HNRNPUL2: variants seen among roughly 807,000 people sequenced by gnomAD.
HNRNPUL2 encodes heterogeneous nuclear ribonucleoprotein U like 2, also known as heterogeneous nuclear ribonucleoprotein U-like protein 2.
HNRNPUL2 carries 27 observed loss-of-function variants against 102.2 expected under a neutral mutation model. That is an observed-to-expected ratio of 0.26 (90% confidence interval 0.19 to 0.36). The LOEUF is 0.36. HNRNPUL2 is among the 10% of genes least tolerant of loss of function. The probability of loss-of-function intolerance (pLI) is 1.00; values close to 1 mark genes in which losing one functional copy is unlikely to be tolerated. For missense variants in HNRNPUL2, 936 were observed against 981.1 expected, an observed-to-expected ratio of 0.95 and a Z score of 0.61; for synonymous variants, 458 against 387.2, an observed-to-expected ratio of 1.18 and a Z score of -2.15.
intron 3 of HNRNPUL2, 84 bp from the exon 4 acceptor site, chr11:62,723,810 G>C: frequency 6.2e-7 from 1 of 1,601,096 alleles, no homozygotes; most frequent in Non-Finnish European, 8.5e-7. Context: ...AGTTGTTGTA[G>C]TGGATACAAA....
At chr11:62,715,786 C>T (rs571276897) in intron 12 of HNRNPUL2, 78 bp downstream of exon 12, 8 of 1,399,890 alleles carry the variant, frequency 5.7e-6, no homozygotes, top group Non-Finnish European at 8.1e-6. Flanking sequence ...AGAAAACAGG[C>T]AAACCACTCT....
intron 8 of HNRNPUL2, 49 bp downstream of exon 8, chr11:62,721,769 TTA>T (rs1491099142): frequency 6.3e-7 from 1 of 1,592,332 alleles, no homozygotes; most frequent in African/African-American, 1.3e-5. Context: ...TAAAGATAGG[TTA>T]TAAGAGTCTC....
In HNRNPUL2 at chr11:62,727,216, C is replaced by A. The variant is rs1391226306; in HGVS notation, c.-60G>T. Reference sequence around the variant, plus strand: ...CTCCCCTGCGAACCGTCGACCGAGTCCGACCGCGCAGGCGCCGCCGCCGCC... The same window carrying A: ...CTCCCCTGCGAACCGTCGACCGAGTACGACCGCGCAGGCGCCGCCGCCGCC... On this transcript the variant is annotated 5_prime_UTR_variant, in exon 1 of 14. Coordinates refer to ENST00000301785, the MANE Select transcript of HNRNPUL2 (RefSeq NM_001079559.3). 7.5e-7 allele frequency: 1 copy of A among 1,325,360 alleles called. No individual in the cohort carries two copies. The highest frequency in any genetic ancestry group is 9.6e-7 in the Non-Finnish European group (1 of 1,040,784). 82.1% of individuals were successfully genotyped at this position (1,325,360 alleles called of 1,614,324 possible).
Position 62,727,359 on chromosome 11 carries a change from C to T in HNRNPUL2, c.-203G>A, listed in dbSNP as rs749889594. 13 of 583,938 alleles carry T rather than the reference C, an allele frequency of 2.2e-5. No individual in the cohort carries two copies. Among genetic ancestry groups the T allele is most frequent in the Non-Finnish European group, 3.2e-5 (13 of 409,982 alleles). 36.2% of individuals were successfully genotyped at this position (583,938 alleles called of 1,614,324 possible). A position where few individuals can be genotyped will look rare whatever the true frequency, so the allele number is the denominator to read the frequency against. ...TTTGCTTCTCCTTCGTCTCCCCTCC[C>T]CCTTTCGGCTCACGGAGCCCAAAAC... is the stretch of plus-strand genomic sequence containing the variant. On this transcript the variant is annotated 5_prime_UTR_variant, in exon 1 of 14. Coordinates refer to ENST00000301785, the MANE Select transcript of HNRNPUL2 (RefSeq NM_001079559.3).
chr11:62,726,993 C>A lies in HNRNPUL2; in HGVS notation c.164G>T (p.Gly55Val), dbSNP rs1696065255. The A allele has an allele frequency of 3.7e-6, 5 of 1,360,530 alleles. No individual in the cohort carries two copies. Among genetic ancestry groups the A allele is most frequent in the Admixed American group, 3.5e-5 (1 of 28,364 alleles). The allele number at this position is 1,360,530 out of a possible 1,614,324, so 84.3% of individuals were successfully genotyped here. Residue 55 changes from glycine to valine, a missense_variant, in exon 1 of 14, where the codon GGG becomes GTG. Gly to Val is a moderately radical substitution (Grantham distance 109). Around this residue, in one of 2 missense-constraint regions of HNRNPUL2, gnomAD observed 327 missense variants for 268.1 expected, o/e 1.22. Coordinates refer to ENST00000301785, the MANE Select transcript of HNRNPUL2 (RefSeq NM_001079559.3). ...EAGGGGAGPG[G>V]ACKAEPRPVA... ...AGGCCGAGGCTCCGCCTTGCAGGCC[C>A]CGCCGGGCCCGGCCCCGCCGCCGCC...
rs764773117 is a variant in HNRNPUL2, at chr11:62,714,054, G to A, written c.*1245C>T. The A allele has an allele frequency of 6.6e-6, 1 of 152,014 alleles. No homozygotes were observed. Among genetic ancestry groups the A allele is most frequent in the East Asian group, 1.9e-4 (1 of 5,190 alleles). The allele number at this position is 152,014 out of a possible 1,614,324, so 9.4% of individuals were successfully genotyped here. ...ATTTTGTTTCTAGAAGTCGGGAAGG[G>A]GTGCTCCCTTTCACACGCACATTTA... On this transcript the variant is annotated 3_prime_UTR_variant, in exon 14 of 14. Coordinates refer to ENST00000301785, the MANE Select transcript of HNRNPUL2 (RefSeq NM_001079559.3).
intron 10 of HNRNPUL2, among the ~76,000 whole-genome samples, chr11:62,717,766 T>C (rs2083671185): frequency 6.6e-6 from 1 of 152,172 alleles, no homozygotes; most frequent in Admixed American, 6.5e-5. Flanking sequence ...TGAGTGCCAC[T>C]GCACTCTGGC....
chr11:62,727,031 G>A lies in HNRNPUL2; in HGVS notation c.126C>T (p.Leu42=), dbSNP rs746946005. Residue 42 remains leucine, a synonymous_variant, in exon 1 of 14, where the codon CTC becomes CTT. Coordinates refer to ENST00000301785, the MANE Select transcript of HNRNPUL2 (RefSeq NM_001079559.3). ...RLQEALDAEM[L]EDEAGGGGAG... ...CCCCGCCGCCGCCGGCCTCGTCCTC[G>A]AGCATCTCGGCGTCCAGCGCCTCCT... The A allele has an allele frequency of 2.1e-6, 3 of 1,402,352 alleles. No individual in the cohort carries two copies. Among genetic ancestry groups the A allele is most frequent in the South Asian group, 1.5e-5 (1 of 67,588 alleles). The allele number at this position is 1,402,352 out of a possible 1,614,324, so 86.9% of individuals were successfully genotyped here. A position where few individuals can be genotyped will look rare whatever the true frequency, so the allele number is the denominator to read the frequency against.
At position 62,716,971 on chromosome 11, in the gene HNRNPUL2, C is replaced by T. The variant is rs2083664894; in HGVS notation, c.1981+18G>A. ...AGAATGGACTGAAGTAGGGGGCTGG[C>T]AGGTCCCCAAGACTCACCATAGCCT... On this transcript the variant is annotated intron_variant, in intron 11 of 13. Coordinates refer to ENST00000301785, the MANE Select transcript of HNRNPUL2 (RefSeq NM_001079559.3). 6.2e-7 allele frequency: 1 copy of T among 1,611,780 alleles called. No homozygotes were observed. Among genetic ancestry groups the T allele is most frequent in the Non-Finnish European group, 8.5e-7 (1 of 1,179,562 alleles).
chr11:62,726,976 G>A lies in HNRNPUL2; in HGVS notation c.181C>T (p.Pro61Ser), dbSNP rs1430303361. 4 of 1,404,024 alleles carry A rather than the reference G, an allele frequency of 2.8e-6. No individual in the cohort carries two copies. The highest frequency in any genetic ancestry group is 1.5e-5 in the South Asian group (1 of 67,352). The allele number at this position is 1,404,024 out of a possible 1,614,324, so 87.0% of individuals were successfully genotyped here. Residue 61 changes from proline (P) to serine (S), a missense_variant, in exon 1 of 14, where the codon CCT becomes TCT. By Grantham distance (74) the Pro-to-Ser change is moderately conservative. This residue lies in a region of HNRNPUL2 where 327 missense variants were observed against 268.1 expected (regional missense o/e 1.22). Coordinates refer to ENST00000301785, the MANE Select transcript of HNRNPUL2 (RefSeq NM_001079559.3). ...AGPGGACKAEPRPVAASGGGP... is the reference protein window; with the variant it reads ...AGPGGACKAESRPVAASGGGP... ...CCGCCCGACGCGGCCACAGGCCGAG[G>A]CTCCGCCTTGCAGGCCCCGCCGGGC... is the stretch of plus-strand genomic sequence containing the variant.
chr11:62,725,452 G>A (rs1202332449), intron 1 of HNRNPUL2, among the ~76,000 whole-genome samples: 1 of 152,194 alleles, frequency 6.6e-6, no homozygotes, highest in South Asian at 2.1e-4. Flanking sequence ...CACCCGCCTG[G>A]CCTCCCAAAG....
intron 10 of HNRNPUL2, among the ~76,000 whole-genome samples, chr11:62,718,737 C>G (rs2512560): frequency 0.72 from 105,280 of 147,200 alleles, 38,363 homozygotes; most frequent in Admixed American, 0.81. Context: ...TGTAGACAAA[C>G]AGTAGATGTA....
In HNRNPUL2 at chr11:62,713,789, T is replaced by C. The variant is rs973797806; in HGVS notation, c.*1510A>G. On this transcript the variant is annotated 3_prime_UTR_variant, in exon 14 of 14. Coordinates refer to ENST00000301785, the MANE Select transcript of HNRNPUL2 (RefSeq NM_001079559.3). ...ATTTTCTCACTAGGAACTGCTGCAG[T>C]ATGTGGTGTCTGCTGAGTAAGCTCT... is the stretch of plus-strand genomic sequence containing the variant. 6.6e-6 allele frequency: 1 copy of C among 152,224 alleles called. No individual in the cohort carries two copies. Among genetic ancestry groups the C allele is most frequent in the Non-Finnish European group, 1.5e-5 (1 of 68,064 alleles). The allele number at this position is 152,224 out of a possible 1,614,324, so 9.4% of individuals were successfully genotyped here.
In HNRNPUL2 at chr11:62,721,952, A is replaced by G; in HGVS notation, c.1360-10T>C. 6.2e-7 allele frequency: 1 copy of G among 1,613,174 alleles called. No individual in the cohort carries two copies. Among genetic ancestry groups the G allele is most frequent in the Non-Finnish European group, 8.5e-7 (1 of 1,179,760 alleles). On this transcript the variant is annotated splice_polypyrimidine_tract_variant and intron_variant, in intron 7 of 13. Coordinates refer to ENST00000301785, the MANE Select transcript of HNRNPUL2 (RefSeq NM_001079559.3). ...CCACCATCAGAATCACCTGCAAAAA[A>G]CAGAACCAGAAATATAATGAAAAAT...
intron 1 of HNRNPUL2, among the ~76,000 whole-genome samples, chr11:62,726,208 T>C (rs1411601511): frequency 6.6e-6 from 1 of 152,218 alleles, no homozygotes. Flanking sequence ...TTAACATTTT[T>C]ACGGCGAAAA....
intron 11 of HNRNPUL2, 37 bp from the exon 12 acceptor site, chr11:62,715,974 C>T (rs2083657279): frequency 1.3e-6 from 2 of 1,521,918 alleles, no homozygotes; most frequent in Non-Finnish European, 8.9e-7. Flanking sequence ...AGACAGCTGG[C>T]ATGGGGTCCT....
Position 62,723,953 on chromosome 11 carries a change from C to A in HNRNPUL2, c.712G>T (p.Asp238Tyr). The A allele has an allele frequency of 1.2e-6, 2 of 1,614,134 alleles. No homozygotes were observed. The highest frequency in any genetic ancestry group is 1.7e-6 in the Non-Finnish European group (2 of 1,179,988). ...SPLPPEEEAK[D>Y]EEEDQTLVNL... Reference sequence around the variant, plus strand: ...ACAAGAGTTTGATCCTCCTCCTCATCTTTTGCCTCTTCTTCAGGAGGCAGT... The same window carrying A: ...ACAAGAGTTTGATCCTCCTCCTCATATTTTGCCTCTTCTTCAGGAGGCAGT... Residue 238 changes from aspartate to tyrosine, a missense_variant, in exon 3 of 14, where the codon GAT becomes TAT. Asp to Tyr is a radical substitution (Grantham distance 160). Transcript: ENST00000301785.
intron 9 of HNRNPUL2, among the ~76,000 whole-genome samples, chr11:62,720,409 A>G (rs2083692404): frequency 6.6e-6 from 1 of 152,016 alleles, no homozygotes; most frequent in Non-Finnish European, 1.5e-5. Flanking sequence ...ACTCGGCATG[A>G]TGGTGGGTGC....
intron 3 of HNRNPUL2, 46 bp from the exon 4 acceptor site, chr11:62,723,772 T>C (rs1356589084): frequency 1.2e-6 from 2 of 1,612,628 alleles, no homozygotes; most frequent in Non-Finnish European, 1.7e-6. Flanking sequence ...CCAATACTTG[T>C]AAGCCGCCAA....
Sources: gnomAD v4.1 joint callset for allele counts (sites outside exome capture counted in the v4.1 genomes callset) on GRCh38, gnomAD v4.1.1 for gene constraint, gnomAD v4.1.1 regional missense constraint, MANE v1.5 for transcripts, NCBI Gene and HGNC (gene_info 2026-07-23, HGNC 2026-07-21) for gene names.